The following PLCH1 variants were observed in gnomAD, a reference collection of about 807,000 sequenced individuals.
The protein encoded by PLCH1 is 1-phosphatidylinositol 4,5-bisphosphate phosphodiesterase eta-1.
PLCH1 carries 60 observed loss-of-function variants against 126.7 expected under a neutral mutation model. That is an observed-to-expected ratio of 0.47 (90% CI 0.38 to 0.59). The LOEUF (loss-of-function observed/expected upper bound fraction) is 0.59. Among genes scored for constraint, PLCH1 ranks in the 20% least tolerant of loss-of-function variants. The pLI, the probability that PLCH1 is intolerant of heterozygous loss-of-function variation, is 0.00. For missense variants in PLCH1, 1,723 were observed against 2,040.0 expected, an observed-to-expected ratio of 0.84 and a Z score of 2.99; for synonymous variants, 719 against 734.9, an observed-to-expected ratio of 0.98 and a Z score of 0.35.
intron 2 of PLCH1, among the ~76,000 whole-genome samples, chr3:155,636,836 C>T (rs930458703): frequency 2.0e-5 from 3 of 151,928 alleles, no homozygotes; most frequent in Non-Finnish European, 4.4e-5. Context: ...GATAAGTATG[C>T]TTATCTCACA....
At chr3:155,558,798 G>T (rs1727170460) in intron 8 of PLCH1, among the ~76,000 whole-genome samples, 1 of 152,038 alleles carries the variant, frequency 6.6e-6, no homozygotes, top group South Asian at 2.1e-4. Context: ...TGAAACCATG[G>T]AAAATGAAAC....
At chr3:155,500,995 CTG>C (rs1187356205) in intron 13 of PLCH1, among the ~76,000 whole-genome samples, 2 of 152,118 alleles carry the variant, frequency 1.3e-5, no homozygotes, top group African/African-American at 4.8e-5. Context: ...TAATACAAAA[CTG>C]AGAGTTTCAT....
At chr3:155,702,848 A>G (rs1294179451) in intron 2 of PLCH1, among the ~76,000 whole-genome samples, 1 of 152,220 alleles carries the variant, frequency 6.6e-6, no homozygotes, top group South Asian at 2.1e-4. Context: ...ACTGCATGAG[A>G]GATAAAGCAA....
chr3:155,484,422 T>C (rs1274716250), intron 22 of PLCH1, among the ~76,000 whole-genome samples: 1 of 152,240 alleles, frequency 6.6e-6, no homozygotes, highest in African/African-American at 2.4e-5. Context: ...CACTGAAGAA[T>C]ATCTTGTAAC....
intron 21 of PLCH1, among the ~76,000 whole-genome samples, chr3:155,452,184 A>G (rs1712326412): frequency 6.6e-6 from 1 of 152,184 alleles, no homozygotes; most frequent in Non-Finnish European, 1.5e-5. Flanking sequence ...TAGGAGGAGA[A>G]AGGCACTTCT....
At chr3:155,468,369 A>C (rs1470505812) in intron 21 of PLCH1, among the ~76,000 whole-genome samples, 2 of 152,200 alleles carry the variant, frequency 1.3e-5, no homozygotes, top group Non-Finnish European at 2.9e-5. Flanking sequence ...AACAACCAGA[A>C]AACGAACAAC....
intron 21 of PLCH1, among the ~76,000 whole-genome samples, chr3:155,472,359 C>T (rs987761587): frequency 6.5e-4 from 99 of 151,936 alleles, no homozygotes; most frequent in Non-Finnish European, 1.2e-3. Context: ...ACACATACAC[C>T]CTCCCAAGAC....
intron 2 of PLCH1, among the ~76,000 whole-genome samples, chr3:155,669,753 A>G (rs529949015): frequency 1.3e-5 from 2 of 152,324 alleles, no homozygotes; most frequent in African/African-American, 4.8e-5. Flanking sequence ...ATGGTGTGAG[A>G]GGCACCTGTT....
At chr3:155,611,180 A>G (rs1735040921) in intron 2 of PLCH1, among the ~76,000 whole-genome samples, 1 of 152,186 alleles carries the variant, frequency 6.6e-6, no homozygotes, top group Admixed American at 6.6e-5. Flanking sequence ...ACCTGAGGTC[A>G]GGAGTTCAAG....
At position 155,586,125 on chromosome 3, in the gene PLCH1, A is replaced by T. The variant is rs1577072950; in HGVS notation, c.540T>A (p.His180Gln). ...TAACATTCAGTTTATGCATCAGCTG[A>T]TGTATCTCTTCAATATTCAGCAAGC... ...GDGLLNIEEIHQLMHKLNVNL... is the reference protein window; with the variant it reads ...GDGLLNIEEIQQLMHKLNVNL... Residue 180 changes from histidine to glutamine, a missense_variant, in exon 5 of 23, where the codon CAT (histidine) becomes CAA (glutamine). His to Gln is a conservative substitution (Grantham distance 24, BLOSUM62 0). This residue lies in a region of PLCH1 where 776 missense variants were observed against 1,062.9 expected (regional missense o/e 0.73). Coordinates refer to ENST00000460012, the MANE Select transcript of PLCH1 (RefSeq NM_014996.4). The T allele has an allele frequency of 2.5e-6, 4 of 1,613,642 alleles. No homozygotes were observed. Among genetic ancestry groups the T allele is most frequent in the Non-Finnish European group, 3.4e-6 (4 of 1,179,688 alleles).
At chr3:155,658,149 G>T in intron 2 of PLCH1, 1 of 217,242 alleles carries the variant, frequency 4.6e-6, no homozygotes, top group South Asian at 8.6e-5. Context: ...GAAAGCTGTT[G>T]AGCCACAGCA....
intron 10 of PLCH1, among the ~76,000 whole-genome samples, chr3:155,540,239 T>G (rs1257046470): frequency 1.3e-5 from 2 of 152,108 alleles, no homozygotes; most frequent in East Asian, 3.8e-4. Context: ...AAAAATCAAC[T>G]CAAGATGGAT....
intron 12 of PLCH1, among the ~76,000 whole-genome samples, chr3:155,512,336 A>G (rs959191649): frequency 6.6e-6 from 1 of 152,198 alleles, no homozygotes. Context: ...TGGCATATAC[A>G]TAACGACAAG....
At chr3:155,473,087 G>T (rs1460508588) in intron 21 of PLCH1, among the ~76,000 whole-genome samples, 1 of 143,874 alleles carries the variant, frequency 7.0e-6, no homozygotes, top group Non-Finnish European at 1.5e-5. Context: ...AGGGCAATTA[G>T]GCAGGAGAAG....
chr3:155,704,356 C>T (rs796437599), intron 1 of PLCH1, 92 bp from the exon 2 acceptor site: 4 of 399,916 alleles, frequency 1.0e-5, no homozygotes, highest in African/African-American at 4.1e-5. Context: ...CCCAGCATTA[C>T]GGGGCAACAT....
At chr3:155,738,639 T>C (rs1197181562) in intron 1 of PLCH1, among the ~76,000 whole-genome samples, 4 of 150,748 alleles carry the variant, frequency 2.7e-5, no homozygotes, top group East Asian at 2.0e-4. Context: ...AAAAAAAAAT[T>C]AGTTGGGCGT....
intron 2 of PLCH1, among the ~76,000 whole-genome samples, chr3:155,674,936 T>TAAGAGTTACCAAACA (rs1743944591): frequency 6.6e-6 from 1 of 152,210 alleles, no homozygotes; most frequent in Non-Finnish European, 1.5e-5. Flanking sequence ...TCTGCATACA[T>TAAGAGTTACCAAACA]AAGAGTTTCC....
At chr3:155,469,190 A>G (rs1713055723) in intron 21 of PLCH1, among the ~76,000 whole-genome samples, 1 of 152,176 alleles carries the variant, frequency 6.6e-6, no homozygotes, top group Non-Finnish European at 1.5e-5. Context: ...AGGGAGTTAC[A>G]GACAGTGGGC....
At chr3:155,616,286 T>C (rs949704807) in intron 2 of PLCH1, among the ~76,000 whole-genome samples, 6 of 152,188 alleles carry the variant, frequency 3.9e-5, no homozygotes, top group African/African-American at 1.2e-4. Flanking sequence ...TGTTTTAAGA[T>C]AGAAAAGAAT....
Sources: allele counts gnomAD v4.1 joint callset (sites outside exome capture counted in the v4.1 genomes callset), GRCh38; gene constraint gnomAD v4.1.1; regional missense constraint gnomAD v4.1.1; transcripts MANE v1.5; gene names NCBI Gene and HGNC (gene_info 2026-07-23, HGNC 2026-07-21).